RYR2: variants seen among roughly 807,000 people sequenced by gnomAD.
RYR2 encodes cardiac muscle ryanodine receptor-calcium release channel.
RYR2 carries 227 observed loss-of-function variants against 601.1 expected under a neutral mutation model. That is an observed-to-expected ratio of 0.38 (90% CI 0.34 to 0.42). The LOEUF is 0.42. Ranked by LOEUF, RYR2 falls within the 10% of genes least tolerant of loss-of-function variation. The pLI, the probability that RYR2 is intolerant of heterozygous loss-of-function variation, is 1.00. For synonymous variants in RYR2, 2,223 were observed against 2,175.1 expected, an observed-to-expected ratio of 1.02 and a Z score of -0.61; for missense variants, 4,646 against 6,156.5, an observed-to-expected ratio of 0.75 and a Z score of 8.21.
At chr1:237,694,977 T>C (rs1189309893) in intron 63 of RYR2, among the ~76,000 whole-genome samples, 2 of 152,070 alleles carry the variant, frequency 1.3e-5, no homozygotes, top group African/African-American at 4.8e-5. Context: ...ATTAGAAAAG[T>C]AGAGAAAAAT....
At chr1:237,429,013 A>G (rs1251673328) in intron 12 of RYR2, among the ~76,000 whole-genome samples, 3 of 148,638 alleles carry the variant, frequency 2.0e-5, no homozygotes, top group Non-Finnish European at 4.5e-5. Context: ...TTAATTGGAC[A>G]TTCATTTTGT....
In RYR2 at chr1:237,617,380, A is replaced by G. The variant is rs1573142800; in HGVS notation, c.5810A>G (p.Gln1937Arg). 6.8e-6 allele frequency: 11 copies of G among 1,614,024 alleles called. No homozygotes were observed. Among genetic ancestry groups the G allele is most frequent in the Non-Finnish European group, 9.3e-6 (11 of 1,179,886 alleles). The part of the protein sequence containing the change: ...AFSDDFVAKL[Q>R]DNQRFRYNEV... ...TCAGATGATTTTGTGGCTAAGCTCC[A>G]AGACAATCAACGTTTCCGATACAAC... The change falls in exon 38 of 105, where the codon CAA becomes CGA. Residue 1937 changes from glutamine (Q) to arginine (R), a missense_variant. Gln to Arg is a conservative substitution (Grantham distance 43). Around this residue, in one of 17 missense-constraint regions of RYR2, gnomAD observed 1,807 missense variants for 2,088.1 expected, o/e 0.87. Transcript: ENST00000366574.
intron 1 of RYR2, among the ~76,000 whole-genome samples, chr1:237,232,457 A>T (rs928304352): frequency 1.2e-4 from 18 of 152,088 alleles, no homozygotes; most frequent in Non-Finnish European, 2.2e-4. Flanking sequence ...ATCAGATGGT[A>T]CCTCCTTGTA....
In RYR2 at chr1:237,760,971, G is replaced by A; in HGVS notation, c.11419G>A (p.Ala3807Thr). 2 of 1,572,078 alleles carry A rather than the reference G, an allele frequency of 1.3e-6. No individual in the cohort carries two copies. Among genetic ancestry groups the A allele is most frequent in the Non-Finnish European group, 1.7e-6 (2 of 1,156,500 alleles). ...MQSCSVLDLN[A>T]FERQNKAEGL... is the part of the protein sequence containing the mutation. ...TTATTATAGTGTCCTTGACCTAAAT[G>A]CATTTGAGCGACAAAACAAAGCTGA... The change falls in exon 84 of 105, where the codon GCA (alanine) becomes ACA (threonine). Residue 3807 changes from alanine to threonine, a missense_variant. Physicochemically the swap from Ala to Thr is moderately conservative, Grantham distance 58 (BLOSUM62 0). Coordinates refer to ENST00000366574, the MANE Select transcript of RYR2 (RefSeq NM_001035.3).
rs1185592152 is a variant in RYR2, at chr1:237,496,881, A to G, written c.2203+129A>G. On this transcript the variant is annotated intron_variant, in intron 20 of 104. Coordinates refer to ENST00000366574, the MANE Select transcript of RYR2 (RefSeq NM_001035.3). The stretch of plus-strand genomic sequence containing the variant: ...AATTATTCAGAAATTTAGCATTGAG[A>G]TGATGAGTAAGAGTGTTGAGGAACA... 5.5e-6 allele frequency: 6 copies of G among 1,099,226 alleles called. No individual in the cohort carries two copies. The South Asian group carries it at 6.8e-5, about 12-fold the overall frequency. 68.1% of individuals were successfully genotyped at this position (1,099,226 alleles called of 1,614,324 possible).
intron 10 of RYR2, among the ~76,000 whole-genome samples, chr1:237,403,319 G>C (rs1703556327): frequency 6.6e-6 from 1 of 152,188 alleles, no homozygotes; most frequent in African/African-American, 2.4e-5. Flanking sequence ...AGTAAGATTT[G>C]CAGTTGATTT....
rs1491092540 is a variant in RYR2 at position 237,436,453 on chromosome 1, C to CATTTTTTTTTTTTTTTTTTTTTTTTTTTT, written c.1006-4866_1006-4865insATTTTTTTTTTTTTTTTTTTTTTTTTTTT. Reference sequence around the variant, plus strand: ...AAGCCGAGGGATAATGTGTGATTTTCCTTTTTTTTTTTTTTTTTTTTTTTT... The same window carrying CATTTTTTTTTTTTTTTTTTTTTTTTTTTT: ...AAGCCGAGGGATAATGTGTGATTTTCATTTTTTTTTTTTTTTTTTTTTTTTTTTTCTTTTTTTTTTTTTTTTTTTTTTTT... On this transcript the variant is annotated intron_variant, in intron 12 of 104. Coordinates refer to ENST00000366574, the MANE Select transcript of RYR2 (RefSeq NM_001035.3). Among the ~76,000 whole-genome samples, 15 of 55,826 alleles carry CATTTTTTTTTTTTTTTTTTTTTTTTTTTT rather than the reference C, an allele frequency of 2.7e-4. 1 individual carries two copies. The highest frequency in any genetic ancestry group is 3.7e-4 in the Non-Finnish European group (12 of 32,044). 36.6% of individuals were successfully genotyped at this position (55,826 alleles called of 152,430 possible). A position where few individuals can be genotyped will look rare whatever the true frequency, so the allele number is the denominator to read the frequency against.
At chr1:237,638,534 A>G (rs767061546) in intron 45 of RYR2, 42 bp downstream of exon 45, 23 of 1,600,372 alleles carry the variant, frequency 1.4e-5, no homozygotes, top group Non-Finnish European at 1.9e-5. Flanking sequence ...TATCATTAAA[A>G]CTGCATAGAG....
chr1:237,556,854 C>T (rs138727833), intron 27 of RYR2, among the ~76,000 whole-genome samples: 1 of 122,094 alleles, frequency 8.2e-6, no homozygotes, highest in Non-Finnish European at 1.6e-5. Context: ...TATTCCTGTA[C>T]AGCAAACTAC....
intron 1 of RYR2, among the ~76,000 whole-genome samples, chr1:237,081,302 AAG>A (rs1338937586): frequency 8.7e-5 from 13 of 149,138 alleles, no homozygotes; most frequent in East Asian, 2.0e-4. Flanking sequence ...AAAAAAAAAA[AAG>A]AAAGTCAACA....
chr1:237,510,564 G>C (rs1401707563), intron 23 of RYR2, among the ~76,000 whole-genome samples: 1 of 152,128 alleles, frequency 6.6e-6, no homozygotes, highest in Non-Finnish European at 1.5e-5. Context: ...CATTCATAAT[G>C]ATGACCAGAA....
At chr1:237,530,347 T>A in intron 24 of RYR2, 80 bp from the exon 25 acceptor site, 1 of 1,017,336 alleles carries the variant, frequency 9.8e-7, no homozygotes, top group Non-Finnish European at 1.5e-6. Flanking sequence ...AGGTTGTATC[T>A]CATTGCTACT....
Position 237,651,443 on chromosome 1 carries a change from T to C in RYR2, c.7766T>C (p.Leu2589Pro), listed in dbSNP as rs1298604735. 6.3e-7 allele frequency: 1 copy of C among 1,596,564 alleles called. No individual in the cohort carries two copies. The highest frequency in any genetic ancestry group is 1.1e-5 in the South Asian group (1 of 87,476). The change falls in exon 51 of 105, where the codon CTC (leucine) becomes CCC (proline). Residue 2589 changes from leucine (L) to proline (P), a missense_variant. Physicochemically the swap from Leu to Pro is moderately conservative, Grantham distance 98. Transcript: ENST00000366574. ...QLRPSMMQHL[L>P]RRLVFDVPLL... ...AGACCTTCTATGATGCAGCACTTAC[T>C]CAGAAGATTAGTATTTGATGTTCCA... is the stretch of plus-strand genomic sequence containing the variant.
intron 12 of RYR2, among the ~76,000 whole-genome samples, chr1:237,427,643 C>T (rs923927339): frequency 2.0e-5 from 3 of 151,604 alleles, no homozygotes; most frequent in Non-Finnish European, 4.4e-5. Context: ...ATTAGCTAGG[C>T]GTGGTGGCAT....
chr1:237,550,291 A>T (rs1670255156), intron 26 of RYR2, among the ~76,000 whole-genome samples: 4 of 152,194 alleles, frequency 2.6e-5, no homozygotes, highest in Admixed American at 2.6e-4. Flanking sequence ...GTTAGAGATC[A>T]CTGAAGTTGT....
Position 237,783,971 on chromosome 1 carries a change from T to C in RYR2, c.12259T>C (p.Phe4087Leu), listed in dbSNP as rs756334345. Residue 4087 changes from phenylalanine to leucine, a missense_variant, in exon 90 of 105, where the codon TTC (phenylalanine) becomes CTC (leucine). Coordinates refer to ENST00000366574, the MANE Select transcript of RYR2 (RefSeq NM_001035.3). ...TLDYEEFVKR[F>L]HEPAKDIGFN... The stretch of plus-strand genomic sequence containing the variant: ...CGACTACGAAGAGTTCGTCAAACGC[T>C]TCCACGAACCTGCGAAGGACATCGG... 1 of 1,613,820 alleles carries C rather than the reference T, an allele frequency of 6.2e-7. No individual in the cohort carries two copies. Among genetic ancestry groups the C allele is most frequent in the Admixed American group, 1.7e-5 (1 of 60,012 alleles).
At chr1:237,442,350 A>C (rs1004286596) in intron 13 of RYR2, among the ~76,000 whole-genome samples, 15 of 152,220 alleles carry the variant, frequency 9.9e-5, no homozygotes, top group African/African-American at 3.1e-4. Context: ...TCAACTATAA[A>C]AAAGTTAAAA....
chr1:237,189,265 T>A (rs1222459205), intron 1 of RYR2, among the ~76,000 whole-genome samples: 1 of 152,238 alleles, frequency 6.6e-6, no homozygotes, highest in Non-Finnish European at 1.5e-5. Context: ...GTGTATATAT[T>A]TATCTGTATA....
Position 237,643,705 on chromosome 1 carries a change from C to T in RYR2, c.7342+258C>T, listed in dbSNP as rs540394465. ...TTGGCTCACTGCAAGCTCCGCCTCC[C>T]GGGTTCAAGCAATTCTCCTGCCTCA... On this transcript the variant is annotated intron_variant, in intron 48 of 104. Coordinates refer to ENST00000366574, the MANE Select transcript of RYR2 (RefSeq NM_001035.3). Among the ~76,000 whole-genome samples the T allele has an allele frequency of 5.3e-5, 8 of 152,048 alleles. No individual in the cohort carries two copies. The South Asian group carries it at 6.2e-4, about 12-fold the overall frequency.
Sources: allele counts gnomAD v4.1 joint callset (sites outside exome capture counted in the v4.1 genomes callset), GRCh38; gene constraint gnomAD v4.1.1; regional missense constraint gnomAD v4.1.1; transcripts MANE v1.5; gene names NCBI Gene and HGNC (gene_info 2026-07-23, HGNC 2026-07-21).